The following SH3BP1 variants were observed in gnomAD, a reference collection of about 807,000 sequenced individuals.
The protein encoded by SH3BP1 is SH3 domain binding protein 1, also known as SH3 domain-binding protein 1.
In SH3BP1, 46 loss-of-function variants were observed where a neutral mutation model predicts 69.8. The ratio of observed to expected loss-of-function variants is 0.66; its 90% CI spans 0.52 to 0.84. The LOEUF (loss-of-function observed/expected upper bound fraction) is 0.84, where lower values mean the gene tolerates loss of function less well. Ranked by LOEUF, SH3BP1 falls within the 40% of genes least tolerant of loss-of-function variation. The probability of loss-of-function intolerance (pLI) is 0.00; values close to 1 mark genes in which losing one functional copy is unlikely to be tolerated. For missense variants in SH3BP1, 868 were observed against 930.9 expected, an observed-to-expected ratio of 0.93 and a Z score of 0.88; for synonymous variants, 403 against 378.0, an observed-to-expected ratio of 1.07 and a Z score of -0.77.
Position 37,647,514 on chromosome 22 carries a change from A to C in SH3BP1, c.1192A>C (p.Asn398His). 1 of 1,603,056 alleles carries C rather than the reference A, an allele frequency of 6.2e-7. No homozygotes were observed. Among genetic ancestry groups the C allele is most frequent in the Non-Finnish European group, 8.5e-7 (1 of 1,179,094 alleles). ...CCGCCTACCCCCCGAGAACCTCAGC[A>C]ACCTCAGGTGAGCCCGAGCCCGCCT... is the stretch of plus-strand genomic sequence containing the variant. ...CSRLPPENLS[N>H]LRYLMKFLAR... Residue 398 changes from asparagine (N) to histidine (H), a missense_variant, in exon 13 of 18, where the codon AAC becomes CAC. This residue lies in a region of SH3BP1 where 474 missense variants were observed against 462.3 expected (regional missense o/e 1.03). Transcript: ENST00000649765.
chr22:37,646,810 G>C lies in SH3BP1; in HGVS notation c.925-8G>C. 3.3e-6 allele frequency: 5 copies of C among 1,511,622 alleles called. No individual in the cohort carries two copies. Among genetic ancestry groups the C allele is most frequent in the South Asian group, 1.3e-5 (1 of 79,656 alleles). 93.6% of individuals were successfully genotyped at this position (1,511,622 alleles called of 1,614,324 possible). A position where few individuals can be genotyped will look rare whatever the true frequency, so the allele number is the denominator to read the frequency against. On this transcript the variant is annotated splice_polypyrimidine_tract_variant and splice_region_variant and intron_variant, in intron 10 of 17. Coordinates refer to ENST00000649765, the MANE Select transcript of SH3BP1 (RefSeq NM_018957.6). ...CTGTGACCCTTGCCTGCCTCCTCTC[G>C]AACCCAGGGTCTCTTCCGTCTGGCT...
In SH3BP1 at chr22:37,651,925, G is replaced by A. The variant is rs575231400; in HGVS notation, c.1598+1200G>A. On this transcript the variant is annotated intron_variant, in intron 16 of 17. Transcript: ENST00000649765. ...TAGCTGTGGGGCCAGGAAAGACCTC[G>A]CTAAGGAAGAAACGACCAAGCAGAG... 7.9e-5 allele frequency among the ~76,000 whole-genome samples: 12 copies of A among 152,108 alleles called. No individual in the cohort carries two copies. In the South Asian group the frequency reaches 2.1e-3, roughly 26 times the overall value.
intron 3 of SH3BP1, 134 bp from the exon 4 acceptor site, chr22:37,642,405 A>AT: frequency 1.3e-6 from 1 of 770,360 alleles, no homozygotes; most frequent in South Asian, 1.6e-5. Flanking sequence ...ACGCCTTGTC[A>AT]TCTTGTTTCC....
At chr22:37,652,505 C>T (rs1932900589) in intron 16 of SH3BP1, among the ~76,000 whole-genome samples, 1 of 151,954 alleles carries the variant, frequency 6.6e-6, no homozygotes, top group African/African-American at 2.4e-5. Context: ...TGCACTCAGC[C>T]TGGGCAACAG....
At chr22:37,648,226 C>T (rs965928054) in intron 13 of SH3BP1, 93 bp from the exon 14 acceptor site, 8 of 821,054 alleles carry the variant, frequency 9.7e-6, no homozygotes, top group African/African-American at 1.7e-5. Flanking sequence ...CCATTCTGGG[C>T]GGTGTCTTTC....
At chr22:37,647,091 T>C (rs1419103132) in intron 11 of SH3BP1, among the ~76,000 whole-genome samples, 162 bp downstream of exon 11, 1 of 152,176 alleles carries the variant, frequency 6.6e-6, no homozygotes, top group Non-Finnish European at 1.5e-5. Flanking sequence ...CGAAAATGTT[T>C]GGCATTTTTC....
intron 1 of SH3BP1, chr22:37,640,559 A>G (rs924849743): frequency 3.9e-5 from 6 of 153,960 alleles, no homozygotes; most frequent in African/African-American, 1.4e-4. Context: ...CTGGGTGTCC[A>G]GAGACCTGGT....
chr22:37,639,913 G>A, intron 1 of SH3BP1, 67 bp downstream of exon 1: 2 of 1,238,716 alleles, frequency 1.6e-6, no homozygotes, highest in Non-Finnish European at 2.2e-6. Flanking sequence ...AAAAGGGTCG[G>A]GGGAGACGGG....
chr22:37,650,755 G>A (rs756728312), intron 16 of SH3BP1, 30 bp downstream of exon 16: 24 of 1,552,494 alleles, frequency 1.5e-5, no homozygotes, highest in Admixed American at 4.0e-5. Context: ...AATGGCTCCT[G>A]TGGTACTCCC....
At chr22:37,649,002 G>A (rs773068994) in intron 14 of SH3BP1, among the ~76,000 whole-genome samples, 12 of 151,790 alleles carry the variant, frequency 7.9e-5, no homozygotes, top group Non-Finnish European at 1.6e-4. Flanking sequence ...CGCGCCCCAG[G>A]TGTGAGCTGC....
chr22:37,642,941 A>C lies in SH3BP1; in HGVS notation c.331A>C (p.Ile111Leu). Residue 111 changes from isoleucine (I) to leucine (L), a missense_variant, in exon 5 of 18, where the codon ATC becomes CTC. Around this residue, in one of 3 missense-constraint regions of SH3BP1, gnomAD observed 387 missense variants for 447.9 expected, o/e 0.86. Coordinates refer to ENST00000649765, the MANE Select transcript of SH3BP1 (RefSeq NM_018957.6). ...SCAIQNQLARILAEFEMTLER... is the reference protein window; with the variant it reads ...SCAIQNQLARLLAEFEMTLER... Reference sequence around the variant, plus strand: ...TGCCATCCAGAATCAGCTGGCCCGCATCCTGGCCGAGTTTGAGATGACCCT... The same window carrying C: ...TGCCATCCAGAATCAGCTGGCCCGCCTCCTGGCCGAGTTTGAGATGACCCT... The C allele has an allele frequency of 6.2e-7, 1 of 1,612,852 alleles. No individual in the cohort carries two copies. The highest frequency in any genetic ancestry group is 8.5e-7 in the Non-Finnish European group (1 of 1,179,996).
At chr22:37,648,537 G>A (rs1932822763) in intron 14 of SH3BP1, 102 bp downstream of exon 14, 1 of 788,042 alleles carries the variant, frequency 1.3e-6, no homozygotes, top group South Asian at 1.5e-5. Flanking sequence ...CCCATTTTTG[G>A]AGTGGGTTGA....
intron 14 of SH3BP1, 139 bp from the exon 15 acceptor site, chr22:37,650,012 CA>C: frequency 1.1e-6 from 1 of 884,212 alleles, no homozygotes; most frequent in South Asian, 1.3e-5. Flanking sequence ...ACACATTTAC[CA>C]TCAACTGGTG....
intron 3 of SH3BP1, chr22:37,641,969 G>C (rs1324527954): frequency 5.7e-6 from 1 of 174,400 alleles, no homozygotes; most frequent in Admixed American, 5.4e-5. Flanking sequence ...CAGAGATAAA[G>C]TCACTTGTCC....
Position 37,655,758 on chromosome 22 carries a change from C to G in SH3BP1, c.*74C>G. The G allele has an allele frequency of 1.4e-6, 2 of 1,445,900 alleles. No homozygotes were observed. Among genetic ancestry groups the G allele is most frequent in the South Asian group, 1.5e-5 (1 of 68,152 alleles). The allele number at this position is 1,445,900 out of a possible 1,614,324, so 89.6% of individuals were successfully genotyped here. A position where few individuals can be genotyped will look rare whatever the true frequency, so the allele number is the denominator to read the frequency against. ...CTGGCCCTCCCAGGACAGCTCTCGC[C>G]CCCCACAAAGGGGCATGGGCCTCCA... On this transcript the variant is annotated 3_prime_UTR_variant, in exon 18 of 18. Transcript: ENST00000649765.
chr22:37,655,277 C>T lies in SH3BP1; in HGVS notation c.1699C>T (p.Arg567Cys), dbSNP rs745983339. 13 of 1,586,554 alleles carry T rather than the reference C, an allele frequency of 8.2e-6. No homozygotes were observed. The highest frequency in any genetic ancestry group is 4.6e-4 in the Middle Eastern group (2 of 4,332). ...ACCCTTTCCTTCCTCAACAGCCAAGCGCCCGGCGCCAGCCCGGCCCACCAT... is the reference window on the plus strand; with the variant it reads ...ACCCTTTCCTTCCTCAACAGCCAAGTGCCCGGCGCCAGCCCGGCCCACCAT... ...PVEDMARRTK[R>C]PAPARPTMPP... Residue 567 changes from arginine to cysteine, a missense_variant, in exon 18 of 18, where the codon CGC (arginine) becomes TGC (cysteine). This residue lies in a region of SH3BP1 where 474 missense variants were observed against 462.3 expected (regional missense o/e 1.03). Transcript: ENST00000649765.
At chr22:37,655,212 G>T in intron 17 of SH3BP1, 60 bp from the exon 18 acceptor site, 1 of 1,283,602 alleles carries the variant, frequency 7.8e-7, no homozygotes. Context: ...ACGGAGCTTG[G>T]TGGATTCACC....
At chr22:37,642,734 C>T (rs369001213) in intron 4 of SH3BP1, 119 bp downstream of exon 4, 5 of 1,604,074 alleles carry the variant, frequency 3.1e-6, no homozygotes, top group Non-Finnish European at 4.2e-6. Context: ...GGGACAGTTC[C>T]CAGGTCAGTG....
intron 7 of SH3BP1, 112 bp from the exon 8 acceptor site, chr22:37,644,525 T>A: frequency 9.6e-7 from 1 of 1,038,806 alleles, no homozygotes; most frequent in Non-Finnish European, 1.5e-6. Context: ...GCTGGGACCT[T>A]CCACCTGCAG....
Sources: gnomAD v4.1 joint callset for allele counts (sites outside exome capture counted in the v4.1 genomes callset) on GRCh38, gnomAD v4.1.1 for gene constraint, gnomAD v4.1.1 regional missense constraint, MANE v1.5 for transcripts, NCBI Gene and HGNC (gene_info 2026-07-23, HGNC 2026-07-21) for gene names.